The following BACH2 variants were observed in gnomAD, a reference collection of about 807,000 sequenced individuals.
BACH2 encodes the protein BACH transcriptional regulator 2.
In BACH2, 5 loss-of-function variants were observed where a neutral mutation model predicts 61.8. That is an observed-to-expected ratio of 0.08 (90% CI 0.04 to 0.17). The LOEUF (loss-of-function observed/expected upper bound fraction) is 0.17. Ranked by LOEUF, BACH2 falls within the 10% of genes least tolerant of loss-of-function variation. The pLI, the probability that BACH2 is intolerant of heterozygous loss-of-function variation, is 1.00. For synonymous variants in BACH2, 446 were observed against 440.1 expected (o/e 1.01, Z -0.17); for missense variants, 824 against 1,091.1 (o/e 0.76, Z 3.45).
chr6:90,043,519 CCTCT>C (rs960123222), intron 5 of BACH2, among the ~76,000 whole-genome samples: 22 of 150,932 alleles, frequency 1.5e-4, no homozygotes, highest in Non-Finnish European at 2.1e-4. Context: ...TCCCTCCCTT[CCTCT>C]CTCTCCTCCC....
At chr6:90,286,965 G>C (rs946438481) in intron 1 of BACH2, among the ~76,000 whole-genome samples, 1 of 152,158 alleles carries the variant, frequency 6.6e-6, no homozygotes, top group Non-Finnish European at 1.5e-5. Context: ...AGGAGAGGTA[G>C]GAACTAGAGG....
At chr6:90,157,224 G>A (rs527501530) in intron 4 of BACH2, among the ~76,000 whole-genome samples, 34 of 152,318 alleles carry the variant, frequency 2.2e-4, no homozygotes, top group African/African-American at 7.7e-4. Context: ...AACACTTTTC[G>A]AAACATATGA....
At chr6:90,165,857 G>C (rs545852471) in intron 4 of BACH2, among the ~76,000 whole-genome samples, 31 of 152,308 alleles carry the variant, frequency 2.0e-4, no homozygotes, top group African/African-American at 7.5e-4. Context: ...CTAGCCATTT[G>C]TAGAAAGCTG....
chr6:90,107,327 G>A (rs1191193190), intron 4 of BACH2, among the ~76,000 whole-genome samples: 6 of 151,744 alleles, frequency 4.0e-5, no homozygotes, highest in Admixed American at 1.3e-4. Context: ...AGCTGAGATC[G>A]TGCCACTACA....
intron 5 of BACH2, among the ~76,000 whole-genome samples, chr6:90,049,282 TAAAC>T (rs1779926572): frequency 6.6e-6 from 1 of 152,160 alleles, no homozygotes; most frequent in Non-Finnish European, 1.5e-5. Context: ...TGTATGTAAG[TAAAC>T]AATAAACTAC....
chr6:90,103,035 T>A (rs1400548921), intron 4 of BACH2, among the ~76,000 whole-genome samples: 99 of 98,296 alleles, frequency 1.0e-3, no homozygotes, highest in African/African-American at 4.4e-3. Flanking sequence ...ATATATTTTT[T>A]TTTTTTTTTT....
intron 4 of BACH2, among the ~76,000 whole-genome samples, chr6:90,105,537 G>A (rs1782863291): frequency 6.6e-6 from 1 of 152,144 alleles, no homozygotes; most frequent in Non-Finnish European, 1.5e-5. Context: ...CAAAACATAG[G>A]CAGGAAAATA....
intron 3 of BACH2, among the ~76,000 whole-genome samples, chr6:90,215,775 T>C (rs1400539772): frequency 2.0e-5 from 3 of 152,002 alleles, no homozygotes; most frequent in Admixed American, 2.0e-4. Flanking sequence ...TTTCACTAAC[T>C]CATCCTCATT....
intron 5 of BACH2, among the ~76,000 whole-genome samples, chr6:90,025,040 G>C (rs900509157): frequency 6.6e-6 from 1 of 152,214 alleles, no homozygotes; most frequent in African/African-American, 2.4e-5. Context: ...TAGCGGGCCA[G>C]AGAGAAGGCT....
intron 1 of BACH2, among the ~76,000 whole-genome samples, chr6:90,287,751 A>G (rs1772065007): frequency 2.0e-5 from 3 of 152,154 alleles, no homozygotes; most frequent in African/African-American, 7.2e-5. Context: ...GCGAAATTCT[A>G]TTGTTTTTAT....
intron 5 of BACH2, among the ~76,000 whole-genome samples, chr6:90,013,532 A>G (rs1582195750): frequency 8.7e-6 from 1 of 115,016 alleles, no homozygotes; most frequent in African/African-American, 3.4e-5. Flanking sequence ...TTTGAGATGG[A>G]GTCTCGCTCT....
At chr6:89,980,580 G>A (rs561737111) in intron 6 of BACH2, among the ~76,000 whole-genome samples, 1 of 152,318 alleles carries the variant, frequency 6.6e-6, no homozygotes, top group South Asian at 2.1e-4. Flanking sequence ...CAGTGCCTCA[G>A]TGGCCACCAT....
At chr6:90,285,262 G>A (rs1478890809) in intron 1 of BACH2, among the ~76,000 whole-genome samples, 2 of 152,078 alleles carry the variant, frequency 1.3e-5, no homozygotes, top group African/African-American at 2.4e-5. Flanking sequence ...AACAGGGAAC[G>A]GATATAAACA....
intron 2 of BACH2, among the ~76,000 whole-genome samples, chr6:90,271,514 T>C (rs932125092): frequency 1.4e-4 from 21 of 152,086 alleles, no homozygotes; most frequent in African/African-American, 4.8e-4. Context: ...ATTTATGTGG[T>C]TTTTCTCATG....
chr6:90,120,311 A>C (rs890980367), intron 4 of BACH2, among the ~76,000 whole-genome samples: 13 of 152,206 alleles, frequency 8.5e-5, no homozygotes, highest in African/African-American at 3.1e-4. Flanking sequence ...ACATGAGTAC[A>C]ACACCTGCTT....
At chr6:90,046,742 T>C (rs1320683349) in intron 5 of BACH2, among the ~76,000 whole-genome samples, 1 of 151,950 alleles carries the variant, frequency 6.6e-6, no homozygotes, top group Admixed American at 6.6e-5. Flanking sequence ...GACGCTTTTG[T>C]AAACAAGTTC....
intron 3 of BACH2, among the ~76,000 whole-genome samples, chr6:90,244,216 C>A (rs1274027117): frequency 6.6e-6 from 1 of 152,176 alleles, no homozygotes; most frequent in Non-Finnish European, 1.5e-5. Flanking sequence ...GCCACTGCAC[C>A]CGGTTATTTA....
chr6:90,260,357 T>C (rs1237025977), intron 2 of BACH2, among the ~76,000 whole-genome samples: 1 of 152,218 alleles, frequency 6.6e-6, no homozygotes, highest in Non-Finnish European at 1.5e-5. Flanking sequence ...TTGTGAATTT[T>C]TCAAGATTCC....
intron 3 of BACH2, among the ~76,000 whole-genome samples, chr6:90,217,671 C>A (rs1054181354): frequency 6.6e-6 from 1 of 152,042 alleles, no homozygotes; most frequent in African/African-American, 2.4e-5. Flanking sequence ...GGGAAAAAGT[C>A]CCTATCCAAA....
Sources: allele counts gnomAD v4.1 joint callset (sites outside exome capture counted in the v4.1 genomes callset), GRCh38; gene constraint gnomAD v4.1.1; transcripts MANE v1.5; gene names NCBI Gene and HGNC (gene_info 2026-07-23, HGNC 2026-07-21).